HNMT: variants seen among roughly 807,000 people sequenced by gnomAD.
HNMT encodes histamine N-methyltransferase.
A neutral mutation model predicts 32.1 loss-of-function variants in HNMT; 30 were observed. The observed-to-expected ratio is 0.93, with a 90% CI of 0.70 to 1.27. HNMT has a LOEUF of 1.27. Ranked by LOEUF, HNMT falls within the 50% of genes most tolerant of loss-of-function variation. The probability of loss-of-function intolerance (pLI) is 0.00; values close to 1 mark genes in which losing one functional copy is unlikely to be tolerated. For missense variants in HNMT, 327 were observed against 346.0 expected, an observed-to-expected ratio of 0.95 and a Z score of 0.43; for synonymous variants, 125 against 119.0, an observed-to-expected ratio of 1.05 and a Z score of -0.33.
chr2:137,988,033 T>A (rs1196943506), intron 2 of HNMT, among the ~76,000 whole-genome samples: 2 of 151,944 alleles, frequency 1.3e-5, no homozygotes. Flanking sequence ...GGAGAAAGCA[T>A]GGGAGAGGAT....
Position 138,014,056 on chromosome 2 carries a change from C to G in HNMT, c.805C>G (p.Pro269Ala), listed in dbSNP as rs1681591291. ...RAELGKDLQE[P>A]EFSAKKEGKV... The stretch of plus-strand genomic sequence containing the variant: ...AGAGCTTGGGAAAGATCTACAAGAG[C>G]CTGAATTTAGTGCTAAGAAAGAGGG... The change falls in exon 6 of 6, where the codon CCT becomes GCT. Residue 269 changes from proline to alanine, a missense_variant. By Grantham distance (27) the Pro-to-Ala change is conservative. Coordinates refer to ENST00000280097, the MANE Select transcript of HNMT (RefSeq NM_006895.3). 6.2e-7 allele frequency: 1 copy of G among 1,613,196 alleles called. No individual in the cohort carries two copies. The highest frequency in any genetic ancestry group is 2.2e-5 in the East Asian group (1 of 44,862).
intron 5 of HNMT, among the ~76,000 whole-genome samples, chr2:138,013,326 T>C (rs1681565892): frequency 6.6e-6 from 1 of 152,048 alleles, no homozygotes; most frequent in South Asian, 2.1e-4. Flanking sequence ...CAACCTCATC[T>C]CTTTTCCCTC....
chr2:137,969,797 T>A (rs1311121673), intron 1 of HNMT, among the ~76,000 whole-genome samples: 1 of 152,180 alleles, frequency 6.6e-6, no homozygotes, highest in African/African-American at 2.4e-5. Context: ...GCAAACATTA[T>A]AGATAGTGGG....
chr2:138,000,979 C>T lies in HNMT; in HGVS notation c.252C>T (p.Asn84=). Reference sequence around the variant, plus strand: ...CTCAATACCCAGGAGTTTGTATCAACAATGAAGTTGTTGAGCCAAGTGCTG... The same window carrying T: ...CTCAATACCCAGGAGTTTGTATCAATAATGAAGTTGTTGAGCCAAGTGCTG... ...VQAQYPGVCI[N]NEVVEPSAEQ... Residue 84 remains asparagine, a synonymous_variant, in exon 3 of 6, where the codon AAC becomes AAT. Transcript: ENST00000280097. 1.9e-6 allele frequency: 3 copies of T among 1,609,466 alleles called. No individual in the cohort carries two copies. The highest frequency in any genetic ancestry group is 2.5e-6 in the Non-Finnish European group (3 of 1,177,902).
intron 1 of HNMT, among the ~76,000 whole-genome samples, chr2:137,969,260 C>G (rs1680051826): frequency 6.6e-6 from 1 of 152,230 alleles, no homozygotes; most frequent in Non-Finnish European, 1.5e-5. Context: ...GCATCACCAT[C>G]CACTACTACT....
At chr2:137,981,199 A>G (rs370613149) in intron 2 of HNMT, 10 of 1,611,612 alleles carry the variant, frequency 6.2e-6, no homozygotes, top group South Asian at 4.4e-5. Context: ...TTAATCCCCT[A>G]TTTTCTTGAC....
intron 2 of HNMT, among the ~76,000 whole-genome samples, chr2:137,973,237 T>C (rs1487920615): frequency 6.6e-6 from 1 of 152,184 alleles, no homozygotes; most frequent in Non-Finnish European, 1.5e-5. Flanking sequence ...AACAGTGTTT[T>C]GAGGGGAAAG....
chr2:137,974,350 T>C (rs543594314), intron 2 of HNMT, among the ~76,000 whole-genome samples: 4 of 152,210 alleles, frequency 2.6e-5, no homozygotes, highest in Non-Finnish European at 4.4e-5. Flanking sequence ...CTAAATCTCA[T>C]AGAACATGCT....
chr2:137,993,730 T>G (rs1436317242), intron 2 of HNMT, among the ~76,000 whole-genome samples: 1 of 151,928 alleles, frequency 6.6e-6, no homozygotes, highest in Non-Finnish European at 1.5e-5. Context: ...AATCATCAGA[T>G]TGAAGATTGA....
rs145602064 is a variant in HNMT at position 137,991,176 on chromosome 2, C to T, written c.191-9742C>T. On this transcript the variant is annotated intron_variant, in intron 2 of 5. Coordinates refer to ENST00000280097, the MANE Select transcript of HNMT (RefSeq NM_006895.3). ...AGAAGGTACACAGAGCTTTCATGCT[C>T]TGCCTGGATATGCCACCTGCCAGGA... Among the ~76,000 whole-genome samples, 266 of 152,312 alleles carry T rather than the reference C, an allele frequency of 1.7e-3. 5 individuals carry two copies. The South Asian group carries it at 0.036, about 21-fold the overall frequency.
In HNMT at chr2:137,970,906, C is replaced by A. The variant is rs574803226; in HGVS notation, c.190+689C>A. ...CTGCACTCCAGCCTGGGTGACAGAG[C>A]GAGACTACGTCTCAAAAAAAAAAAA... On this transcript the variant is annotated intron_variant, in intron 2 of 5. Coordinates refer to ENST00000280097, the MANE Select transcript of HNMT (RefSeq NM_006895.3). Among the ~76,000 whole-genome samples, 199 of 119,098 alleles carry A rather than the reference C, an allele frequency of 1.7e-3. 1 individual carries two copies. The highest frequency in any genetic ancestry group is 6.6e-3 in the African/African-American group (188 of 28,698). The allele number at this position is 119,098 out of a possible 152,430, so 78.1% of individuals were successfully genotyped here.
Position 138,003,147 on chromosome 2 carries a change from G to A in HNMT, c.429+953G>A, listed in dbSNP as rs558384818. On this transcript the variant is annotated intron_variant, in intron 4 of 5. Coordinates refer to ENST00000280097, the MANE Select transcript of HNMT (RefSeq NM_006895.3). ...ATACCTAATGCTAGATGACGAGTTA[G>A]TGGGTGCAGCGCACCAGCATGGCAC... 8.2e-3 allele frequency among the ~76,000 whole-genome samples: 1,221 copies of A among 149,774 alleles called. 18 individuals are homozygous for A. The highest frequency in any genetic ancestry group is 0.028 in the African/African-American group (1,133 of 40,364).
At chr2:137,995,687 A>G (rs578212432) in intron 2 of HNMT, among the ~76,000 whole-genome samples, 1 of 152,322 alleles carries the variant, frequency 6.6e-6, no homozygotes, top group Non-Finnish European at 1.5e-5. Flanking sequence ...TCTTCCTGAT[A>G]ACGAAATCAA....
chr2:138,014,296 T>G lies in HNMT; in HGVS notation c.*166T>G. 1.7e-6 allele frequency: 1 copy of G among 580,740 alleles called. No homozygotes were observed. Among genetic ancestry groups the G allele is most frequent in the Non-Finnish European group, 3.0e-6 (1 of 329,858 alleles). 36.0% of individuals were successfully genotyped at this position (580,740 alleles called of 1,614,324 possible). A position where few individuals can be genotyped will look rare whatever the true frequency, so the allele number is the denominator to read the frequency against. Reference sequence around the variant, plus strand: ...ATTATTGGACTTCCATTTGGAATCATATGGGATACTGCTGGTCTTATCCTG... The same window carrying G: ...ATTATTGGACTTCCATTTGGAATCAGATGGGATACTGCTGGTCTTATCCTG... On this transcript the variant is annotated 3_prime_UTR_variant, in exon 6 of 6. Coordinates refer to ENST00000280097, the MANE Select transcript of HNMT (RefSeq NM_006895.3).
intron 2 of HNMT, among the ~76,000 whole-genome samples, chr2:137,976,517 C>T (rs1680294665): frequency 6.6e-6 from 1 of 152,228 alleles, no homozygotes; most frequent in African/African-American, 2.4e-5. Context: ...AGTAGTGTGG[C>T]TATTACCATG....
chr2:137,994,818 CT>C (rs1322268323), intron 2 of HNMT, among the ~76,000 whole-genome samples: 1 of 152,160 alleles, frequency 6.6e-6, no homozygotes, highest in East Asian at 1.9e-4. Context: ...ATAACAGTCT[CT>C]CAGACCACAG....
chr2:137,968,595 G>A (rs1484693778), intron 1 of HNMT, among the ~76,000 whole-genome samples: 1 of 152,188 alleles, frequency 6.6e-6, no homozygotes, highest in East Asian at 1.9e-4. Flanking sequence ...ACAGTAACCT[G>A]GGATTTCAAC....
chr2:138,012,042 CATT>C (rs1247769216), intron 5 of HNMT, among the ~76,000 whole-genome samples: 1 of 152,086 alleles, frequency 6.6e-6, no homozygotes, highest in Non-Finnish European at 1.5e-5. Flanking sequence ...AATAGAAACT[CATT>C]ATTATTATTA....
chr2:137,968,085 A>G (rs963064063), intron 1 of HNMT, among the ~76,000 whole-genome samples: 62 of 152,312 alleles, frequency 4.1e-4, no homozygotes, highest in Non-Finnish European at 1.8e-4. Context: ...ATATAAAATC[A>G]TGTTAACTTT....
Sources: gnomAD v4.1 joint callset for allele counts (sites outside exome capture counted in the v4.1 genomes callset) on GRCh38, gnomAD v4.1.1 for gene constraint, MANE v1.5 for transcripts, NCBI Gene and HGNC (gene_info 2026-07-23, HGNC 2026-07-21) for gene names.